Variants in BRINP1 observed in about 807,000 individuals in gnomAD.
BRINP1 encodes BMP/retinoic acid-inducible neural-specific protein 1.
In BRINP1, 17 loss-of-function variants were observed where a neutral mutation model predicts 72.9. That is an observed-to-expected ratio of 0.23 (90% CI 0.16 to 0.35). The LOEUF (loss-of-function observed/expected upper bound fraction) is 0.35, where lower values mean the gene tolerates loss of function less well. Among genes scored for constraint, BRINP1 ranks in the 10% least tolerant of loss-of-function variants. The pLI is 1.00. For synonymous variants in BRINP1, 418 were observed against 378.5 expected, an observed-to-expected ratio of 1.10 and a Z score of -1.21; for missense variants, 850 against 1,001.6, an observed-to-expected ratio of 0.85 and a Z score of 2.04.
intron 1 of BRINP1, among the ~76,000 whole-genome samples, chr9:119,323,631 T>A (rs1351042647): frequency 9.2e-5 from 14 of 152,188 alleles, no homozygotes; most frequent in Admixed American, 8.5e-4. Flanking sequence ...CCCAAAGAAA[T>A]GCTGCCAGTA....
chr9:119,236,632 A>G (rs1830193998), intron 5 of BRINP1, among the ~76,000 whole-genome samples: 1 of 152,160 alleles, frequency 6.6e-6, no homozygotes, highest in African/African-American at 2.4e-5. Context: ...CACAGACTGG[A>G]GCTTCACTGC....
chr9:119,169,931 G>A (rs1339027171), intron 7 of BRINP1, among the ~76,000 whole-genome samples: 1 of 151,882 alleles, frequency 6.6e-6, no homozygotes, highest in Non-Finnish European at 1.5e-5. Context: ...CTATCTGTTA[G>A]AAGGAAAACT....
intron 7 of BRINP1, among the ~76,000 whole-genome samples, chr9:119,182,730 T>C (rs765927704): frequency 6.6e-6 from 1 of 152,218 alleles, no homozygotes; most frequent in African/African-American, 2.4e-5. Context: ...AATAAATTCA[T>C]GCTACTTATG....
intron 2 of BRINP1, among the ~76,000 whole-genome samples, chr9:119,274,253 C>T (rs1830632974): frequency 6.6e-6 from 1 of 152,204 alleles, no homozygotes. Flanking sequence ...TAGAGTTCAT[C>T]ACATGAAAGG....
rs186222380 is a variant in BRINP1, at chr9:119,261,193, T to C, written c.219-12043A>G. 8.0e-4 allele frequency among the ~76,000 whole-genome samples: 122 copies of C among 152,242 alleles called. 1 individual carries two copies. The highest frequency in any genetic ancestry group is 2.7e-3 in the African/African-American group (111 of 41,534). ...TTGACAGAGATGCTTATAGGAGGGATTCAGAATCCAACGGGTGGTTGGAAA... is the reference window on the plus strand; with the variant it reads ...TTGACAGAGATGCTTATAGGAGGGACTCAGAATCCAACGGGTGGTTGGAAA... On this transcript the variant is annotated intron_variant, in intron 2 of 7. Coordinates refer to ENST00000265922, the MANE Select transcript of BRINP1 (RefSeq NM_014618.3).
chr9:119,291,910 A>G (rs750335317), intron 2 of BRINP1, among the ~76,000 whole-genome samples: 43 of 152,198 alleles, frequency 2.8e-4, no homozygotes, highest in Admixed American at 1.5e-3. Context: ...AAGAATCTCT[A>G]CCCTGAAGCA....
rs370286031 is a variant in BRINP1 at position 119,178,425 on chromosome 9, T to TTG, written c.1146-10203_1146-10202dup. The stretch of plus-strand genomic sequence containing the variant: ...AACCACAAAAAGCTCATTTCATTGT[T>TTG]TGTGTGTGTGTGTCTTTTGAATACA... On this transcript the variant is annotated intron_variant, in intron 7 of 7. Coordinates refer to ENST00000265922, the MANE Select transcript of BRINP1 (RefSeq NM_014618.3). Among the ~76,000 whole-genome samples, 48 of 152,242 alleles carry TTG rather than the reference T, an allele frequency of 3.2e-4. 1 individual carries two copies. In the East Asian group the frequency reaches 8.1e-3, roughly 26 times the overall value.
chr9:119,295,957 CCTT>C (rs1385814026), intron 2 of BRINP1, among the ~76,000 whole-genome samples: 34 of 152,198 alleles, frequency 2.2e-4, no homozygotes, highest in Middle Eastern at 3.4e-3. Flanking sequence ...CAGAGATAAA[CCTT>C]CTTAACATTG....
intron 5 of BRINP1, among the ~76,000 whole-genome samples, chr9:119,236,328 G>A (rs1478247022): frequency 6.6e-6 from 1 of 152,066 alleles, no homozygotes; most frequent in African/African-American, 2.4e-5. Flanking sequence ...TGTTATCATG[G>A]CAGATCTAGA....
At chr9:119,320,041 G>A (rs1831169486) in intron 1 of BRINP1, among the ~76,000 whole-genome samples, 1 of 152,202 alleles carries the variant, frequency 6.6e-6, no homozygotes, top group Non-Finnish European at 1.5e-5. Flanking sequence ...AAGGCACTGA[G>A]AGAACCCCAT....
intron 7 of BRINP1, among the ~76,000 whole-genome samples, chr9:119,190,080 C>A (rs1829666664): frequency 6.6e-6 from 1 of 151,640 alleles, no homozygotes; most frequent in Non-Finnish European, 1.5e-5. Context: ...ACCAATAGGT[C>A]AAAGAAGAAA....
At chr9:119,365,678 T>C (rs1329001694) in intron 1 of BRINP1, among the ~76,000 whole-genome samples, 1 of 152,168 alleles carries the variant, frequency 6.6e-6, no homozygotes, top group African/African-American at 2.4e-5. Context: ...GAAAGAGATG[T>C]TGAATTCGAA....
At chr9:119,311,053 C>T (rs1198682969) in intron 2 of BRINP1, among the ~76,000 whole-genome samples, 4 of 152,148 alleles carry the variant, frequency 2.6e-5, no homozygotes, top group African/African-American at 7.2e-5. Flanking sequence ...CCCAGTTATA[C>T]ACATCCTGCA....
At chr9:119,192,933 CA>C (rs1290370191) in intron 7 of BRINP1, among the ~76,000 whole-genome samples, 2 of 152,000 alleles carry the variant, frequency 1.3e-5, no homozygotes, top group Non-Finnish European at 2.9e-5. Context: ...CTCAACCCCC[CA>C]AAAATACCAA....
intron 7 of BRINP1, among the ~76,000 whole-genome samples, chr9:119,188,045 G>A (rs1829643166): frequency 6.6e-6 from 1 of 152,186 alleles, no homozygotes; most frequent in South Asian, 2.1e-4. Context: ...ATTAAAAAGA[G>A]TGAATAAAGT....
chr9:119,230,619 G>A (rs1010072273), intron 5 of BRINP1, among the ~76,000 whole-genome samples: 2 of 151,926 alleles, frequency 1.3e-5, no homozygotes, highest in East Asian at 1.9e-4. Flanking sequence ...CCGGGTGCAT[G>A]AGTGATAGGA....
intron 2 of BRINP1, among the ~76,000 whole-genome samples, chr9:119,259,530 T>A (rs1230320127): frequency 6.6e-6 from 1 of 152,216 alleles, no homozygotes; most frequent in Non-Finnish European, 1.5e-5. Flanking sequence ...TTCTGTTGAC[T>A]CAATTTGTCT....
chr9:119,197,261 C>T (rs777541895), intron 7 of BRINP1, among the ~76,000 whole-genome samples: 39 of 152,130 alleles, frequency 2.6e-4, no homozygotes, highest in African/African-American at 8.2e-4. Context: ...TAAAGTAATC[C>T]GGACAGAGGA....
intron 1 of BRINP1, among the ~76,000 whole-genome samples, chr9:119,316,263 T>C (rs890068864): frequency 2.6e-5 from 4 of 152,168 alleles, no homozygotes; most frequent in African/African-American, 9.7e-5. Context: ...ATTTTTTGTA[T>C]ATTTAGTAGA....
Sources: gnomAD v4.1 joint callset for allele counts (sites outside exome capture counted in the v4.1 genomes callset) on GRCh38, gnomAD v4.1.1 for gene constraint, MANE v1.5 for transcripts, NCBI Gene and HGNC (gene_info 2026-07-23, HGNC 2026-07-21) for gene names.